MTUS2: variants seen among roughly 807,000 people sequenced by gnomAD.
MTUS2 encodes microtubule associated scaffold protein 2, also known as microtubule-associated tumor suppressor candidate 2.
MTUS2 carries 40 observed loss-of-function variants against 114.1 expected under a neutral mutation model. The ratio of observed to expected loss-of-function variants is 0.35; its 90% confidence interval spans 0.27 to 0.46. The LOEUF (loss-of-function observed/expected upper bound fraction) is 0.46, where lower values mean the gene tolerates loss of function less well. Among genes scored for constraint, MTUS2 ranks in the 20% least tolerant of loss-of-function variants. The probability of loss-of-function intolerance (pLI) is 1.00; values close to 1 mark genes in which losing one functional copy is unlikely to be tolerated. For synonymous variants in MTUS2, 688 were observed against 672.0 expected (o/e 1.02, Z -0.37); for missense variants, 1,679 against 1,705.4 (o/e 0.98, Z 0.27).
chr13:29,327,607 CTATT>C (rs1263462738), intron 7 of MTUS2, among the ~76,000 whole-genome samples: 3 of 152,096 alleles, frequency 2.0e-5, no homozygotes, highest in African/African-American at 7.2e-5. Flanking sequence ...ATAGATATCA[CTATT>C]TATTTACTTG....
chr13:29,218,067 T>C (rs1207935686), intron 5 of MTUS2, among the ~76,000 whole-genome samples: 1 of 151,932 alleles, frequency 6.6e-6, no homozygotes, highest in African/African-American at 2.4e-5. Context: ...CAGTGAGTTA[T>C]GATTGTGCCG....
chr13:29,343,041 T>C (rs980701293), intron 7 of MTUS2, among the ~76,000 whole-genome samples: 1 of 152,046 alleles, frequency 6.6e-6, no homozygotes, highest in Non-Finnish European at 1.5e-5. Context: ...CTTTTTTATA[T>C]GCTGTTGGAT....
chr13:29,463,199 T>G (rs73446130), intron 9 of MTUS2, among the ~76,000 whole-genome samples: 3,371 of 152,092 alleles, frequency 0.022, 111 homozygotes, highest in African/African-American at 0.073. Flanking sequence ...AAGGGGAGGA[T>G]ATGTATTCTC....
chr13:29,003,102 G>A lies in MTUS2; in HGVS notation c.-242-21355G>A, dbSNP rs180831994. 2.6e-5 allele frequency among the ~76,000 whole-genome samples: 4 copies of A among 152,300 alleles called. No individual in the cohort carries two copies. The East Asian group carries it at 5.8e-4, about 22-fold the overall frequency. On this transcript the variant is annotated intron_variant, in intron 2 of 15. Transcript: ENST00000612955. ...AGAGTTCACGCCTCAAGTTAGACCC[G>A]AAGCAACAGCTTTGCTATAGAGATT...
At chr13:29,277,236 T>G (rs1283130496) in intron 5 of MTUS2, among the ~76,000 whole-genome samples, 2 of 152,202 alleles carry the variant, frequency 1.3e-5, no homozygotes, top group Non-Finnish European at 2.9e-5. Flanking sequence ...CTTCTTTGTA[T>G]CTCTATCATG....
chr13:29,121,397 C>T (rs1891299367), intron 5 of MTUS2, among the ~76,000 whole-genome samples: 1 of 151,826 alleles, frequency 6.6e-6, no homozygotes, highest in Non-Finnish European at 1.5e-5. Flanking sequence ...AAAAAAGACT[C>T]CTTATTTCCC....
At chr13:28,939,006 A>G (rs1882077678) in intron 2 of MTUS2, among the ~76,000 whole-genome samples, 1 of 152,220 alleles carries the variant, frequency 6.6e-6, no homozygotes, top group African/African-American at 2.4e-5. Flanking sequence ...TCACATTTCT[A>G]GACTTTTCAG....
chr13:29,201,248 CT>C (rs1444174975), intron 5 of MTUS2, among the ~76,000 whole-genome samples: 1 of 151,936 alleles, frequency 6.6e-6, no homozygotes, highest in Non-Finnish European at 1.5e-5. Flanking sequence ...GCATTGATCC[CT>C]TTATCACTAT....
intron 5 of MTUS2, among the ~76,000 whole-genome samples, chr13:29,130,136 A>G (rs9508290): frequency 0.79 from 120,558 of 152,126 alleles, 48,071 homozygotes; most frequent in Non-Finnish European, 0.84. Flanking sequence ...TGCCTTGGAT[A>G]TCCTTACTGA....
At chr13:29,233,270 T>A (rs1299496067) in intron 5 of MTUS2, among the ~76,000 whole-genome samples, 1 of 151,026 alleles carries the variant, frequency 6.6e-6, no homozygotes, top group African/African-American at 2.4e-5. Flanking sequence ...AGAAACACCC[T>A]GAGCCTAGCA....
intron 8 of MTUS2, among the ~76,000 whole-genome samples, chr13:29,438,342 T>G (rs1026964606): frequency 1.3e-5 from 2 of 152,192 alleles, no homozygotes; most frequent in African/African-American, 4.8e-5. Context: ...GGGTCTGTCT[T>G]AGTGTCTTTG....
At chr13:28,887,476 G>A (rs1417635939) in intron 2 of MTUS2, among the ~76,000 whole-genome samples, 1 of 152,212 alleles carries the variant, frequency 6.6e-6, no homozygotes, top group Admixed American at 6.5e-5. Context: ...GTCTAGTGGA[G>A]AGCAGACATT....
chr13:28,903,634 G>T (rs1187499204), intron 2 of MTUS2, among the ~76,000 whole-genome samples: 2 of 151,836 alleles, frequency 1.3e-5, no homozygotes, highest in Non-Finnish European at 2.9e-5. Flanking sequence ...TGGTGTATAT[G>T]TGCCACATTT....
At chr13:28,840,706 T>C (rs958217213) in intron 2 of MTUS2, among the ~76,000 whole-genome samples, 46 of 152,160 alleles carry the variant, frequency 3.0e-4, no homozygotes, top group African/African-American at 1.1e-3. Context: ...CTCTGCCTTG[T>C]TGGGATTCAA....
At chr13:29,295,353 A>G (rs1201377742) in intron 6 of MTUS2, among the ~76,000 whole-genome samples, 1 of 152,180 alleles carries the variant, frequency 6.6e-6, no homozygotes, top group Non-Finnish European at 1.5e-5. Context: ...GTGCCATAGA[A>G]CACTAGAACT....
intron 2 of MTUS2, among the ~76,000 whole-genome samples, chr13:28,976,739 A>T (rs12868490): frequency 6.6e-6 from 1 of 152,188 alleles, no homozygotes; most frequent in African/African-American, 2.4e-5. Flanking sequence ...TGATTATATT[A>T]TATGTATACT....
chr13:29,233,880 G>A (rs1018402522), intron 5 of MTUS2, among the ~76,000 whole-genome samples: 10 of 152,200 alleles, frequency 6.6e-5, no homozygotes, highest in African/African-American at 2.4e-4. Flanking sequence ...CATTTGAAAA[G>A]TTGAAATGGA....
At chr13:29,310,212 C>T (rs1899689728) in intron 6 of MTUS2, among the ~76,000 whole-genome samples, 1 of 152,110 alleles carries the variant, frequency 6.6e-6, no homozygotes, top group Admixed American at 6.6e-5. Context: ...ACTGTTGTCA[C>T]CTATTTTACA....
At chr13:28,905,588 A>G (rs1879947741) in intron 2 of MTUS2, among the ~76,000 whole-genome samples, 1 of 151,630 alleles carries the variant, frequency 6.6e-6, no homozygotes, top group Non-Finnish European at 1.5e-5. Context: ...CCAGCCTCGC[A>G]TCCCAGGGAT....
Sources: gnomAD v4.1 joint callset for allele counts (sites outside exome capture counted in the v4.1 genomes callset) on GRCh38, gnomAD v4.1.1 for gene constraint, MANE v1.5 for transcripts, NCBI Gene and HGNC (gene_info 2026-07-23, HGNC 2026-07-21) for gene names.